Variants in CD8B2 observed in about 807,000 individuals in gnomAD.
CD8B2 encodes T-cell surface glycoprotein CD8 beta-2 chain.
Under a neutral mutation model 23.7 loss-of-function variants are expected in CD8B2, and 11 were observed. That is an observed-to-expected ratio of 0.46 (90% CI 0.29 to 0.77). The LOEUF is 0.77. Ranked by LOEUF, CD8B2 falls within the 30% of genes least tolerant of loss-of-function variation. The pLI, the probability that CD8B2 is intolerant of heterozygous loss-of-function variation, is 0.09. For synonymous variants in CD8B2, 90 were observed against 109.3 expected (o/e 0.82, Z 1.10); for missense variants, 197 against 270.5 (o/e 0.73, Z 1.91).
chr2:106,509,408 C>T lies in CD8B2; in HGVS notation c.*2468C>T, dbSNP rs1196396621. ...AAATAAGAGATTAAGGCCTGCAGTG[C>T]ACGTGGTCTGCCCTCCTTGAAGGCT... On this transcript the variant is annotated 3_prime_UTR_variant, in exon 6 of 6. Coordinates refer to ENST00000643224, the MANE Select transcript of CD8B2 (RefSeq NM_001349727.2). 3 of 152,424 alleles carry T rather than the reference C, an allele frequency of 2.0e-5. No homozygotes were observed. The highest frequency in any genetic ancestry group is 3.9e-4 in the East Asian group (2 of 5,180). 9.4% of individuals were successfully genotyped at this position (152,424 alleles called of 1,614,324 possible).
chr2:106,491,457 T>A (rs183272413), intron 2 of CD8B2, among the ~76,000 whole-genome samples: 42 of 152,312 alleles, frequency 2.8e-4, no homozygotes, highest in African/African-American at 7.9e-4. Context: ...GGAAGGTAGG[T>A]CTATTACCTA....
intron 5 of CD8B2, among the ~76,000 whole-genome samples, chr2:106,523,963 C>T (rs11689590): frequency 0.086 from 13,046 of 152,166 alleles, 865 homozygotes; most frequent in African/African-American, 0.19. Flanking sequence ...AGTGTTAAGC[C>T]TAGGAGAGTA....
At chr2:106,492,586 A>T (rs1424115838) in intron 2 of CD8B2, among the ~76,000 whole-genome samples, 11 of 152,220 alleles carry the variant, frequency 7.2e-5, no homozygotes, top group Admixed American at 7.2e-4. Flanking sequence ...TAACTCTCAC[A>T]GCCTGCCTCT....
Position 106,510,026 on chromosome 2 carries a change from T to A in CD8B2, c.*3086T>A, listed in dbSNP as rs1679593479. ...GCTGCTAAGGAATGAGCTAGATCCA[T>A]ATATGCTGATATCAAATGATGGTCA... On this transcript the variant is annotated 3_prime_UTR_variant, in exon 6 of 6. Coordinates refer to ENST00000643224, the MANE Select transcript of CD8B2 (RefSeq NM_001349727.2). The A allele has an allele frequency of 6.6e-6, 1 of 152,224 alleles. No homozygotes were observed. Among genetic ancestry groups the A allele is most frequent in the African/African-American group, 2.4e-5 (1 of 41,464 alleles). The allele number at this position is 152,224 out of a possible 1,614,324, so 9.4% of individuals were successfully genotyped here.
chr2:106,527,981 T>A (rs970728148), intron 5 of CD8B2, among the ~76,000 whole-genome samples: 4 of 152,296 alleles, frequency 2.6e-5, no homozygotes, highest in African/African-American at 9.6e-5. Flanking sequence ...GTCCAGCATA[T>A]CCTCATTCTT....
At chr2:106,512,658 T>A (rs368999211), downstream of CD8B2, among the ~76,000 whole-genome samples, 2 of 152,088 alleles carry the variant, frequency 1.3e-5, no homozygotes, top group East Asian at 3.9e-4. Flanking sequence ...TTGCCCAGGC[T>A]GGTCTCAAAC....
chr2:106,520,763 G>C (rs946250463), intron 5 of CD8B2, among the ~76,000 whole-genome samples: 2 of 152,060 alleles, frequency 1.3e-5, no homozygotes, highest in East Asian at 1.9e-4. Context: ...CCAGCTACTC[G>C]GGAGGCTGAG....
At chr2:106,492,343 A>G (rs1005751794) in intron 2 of CD8B2, among the ~76,000 whole-genome samples, 5 of 152,350 alleles carry the variant, frequency 3.3e-5, no homozygotes, top group African/African-American at 1.2e-4. Flanking sequence ...AGAAGCAAGT[A>G]AAATTAATTT....
chr2:106,500,395 T>C (rs992898882), intron 3 of CD8B2, among the ~76,000 whole-genome samples: 26 of 145,872 alleles, frequency 1.8e-4, no homozygotes, highest in African/African-American at 6.3e-4. Context: ...GACAGATGCC[T>C]GTAATCCCAG....
chr2:106,542,275 G>T (rs1680186120), intron 5 of CD8B2, among the ~76,000 whole-genome samples: 1 of 152,178 alleles, frequency 6.6e-6, no homozygotes, highest in African/African-American at 2.4e-5. Context: ...TCAGCTGTGG[G>T]CTCACTGCGG....
At position 106,496,196 on chromosome 2, in the gene CD8B2, C is replaced by A. The variant is rs984524112; in HGVS notation, c.427C>A (p.Gln143Lys). ...SVVDFLPTTA[Q>K]PTKKSTLKKR... is the part of the protein sequence containing the mutation. ...AGTTGATTTCCTTCCCACCACTGCC[C>A]AGCCCACCAAGAAGTCCACCCTCAA... is the stretch of plus-strand genomic sequence containing the variant. The change falls in exon 3 of 6, where the codon CAG becomes AAG. Residue 143 changes from glutamine to lysine, a missense_variant. Coordinates refer to ENST00000643224, the MANE Select transcript of CD8B2 (RefSeq NM_001349727.2). 1.3e-6 allele frequency: 2 copies of A among 1,545,118 alleles called. No individual in the cohort carries two copies. The highest frequency in any genetic ancestry group is 1.4e-5 in the African/African-American group (1 of 72,638).
At chr2:106,521,079 G>A (rs903953183) in intron 5 of CD8B2, among the ~76,000 whole-genome samples, 15 of 151,830 alleles carry the variant, frequency 9.9e-5, no homozygotes, top group Non-Finnish European at 1.8e-4. Context: ...AGACAGATGC[G>A]AGAATGGAAA....
At chr2:106,517,267 T>A (rs181801051) in intron 5 of CD8B2, among the ~76,000 whole-genome samples, 3 of 152,116 alleles carry the variant, frequency 2.0e-5, no homozygotes, top group East Asian at 3.9e-4. Flanking sequence ...TCATGCCGAC[T>A]CCCCCAGCCT....
intron 5 of CD8B2, among the ~76,000 whole-genome samples, chr2:106,529,445 G>A (rs1022733462): frequency 6.6e-6 from 1 of 152,158 alleles, no homozygotes; most frequent in African/African-American, 2.4e-5. Context: ...AGTACCATAT[G>A]CCCAGAAATG....
At chr2:106,514,670 G>A (rs1421963017), downstream of CD8B2, among the ~76,000 whole-genome samples, 3 of 151,192 alleles carry the variant, frequency 2.0e-5, no homozygotes, top group African/African-American at 4.9e-5. Flanking sequence ...TTTGAGCCTG[G>A]TCAGACGCTC....
chr2:106,487,851 G>C (rs190847961), intron 1 of CD8B2, among the ~76,000 whole-genome samples: 1 of 152,108 alleles, frequency 6.6e-6, no homozygotes, highest in Non-Finnish European at 1.5e-5. Flanking sequence ...TGGCCAGGCC[G>C]TGGGTCCTGT....
rs986145739 is a variant in CD8B2, at chr2:106,542,519, CT to C, written c.621-1464del. 1.1e-4 allele frequency among the ~76,000 whole-genome samples: 17 copies of C among 150,456 alleles called. No individual in the cohort carries two copies. The East Asian group carries it at 1.6e-3, about 14-fold the overall frequency. On this transcript the variant is annotated intron_variant, in intron 5 of 5. Coordinates refer to the CD8B2 transcript ENST00000416057. ...ATTTTCTTCCACTTTCAAGTTAATT[CT>C]TTTTTTTTCCTGATTATTTAACAAA...
chr2:106,490,094 C>T (rs1398387690), intron 1 of CD8B2, among the ~76,000 whole-genome samples: 1 of 152,028 alleles, frequency 6.6e-6, no homozygotes, highest in East Asian at 1.9e-4. Context: ...GTAATTGTAC[C>T]TACCAGGGTC....
At chr2:106,541,022 CAGG>C (rs1465586740) in intron 5 of CD8B2, among the ~76,000 whole-genome samples, 1 of 152,098 alleles carries the variant, frequency 6.6e-6, no homozygotes, top group African/African-American at 2.4e-5. Context: ...AGGAGCCCAG[CAGG>C]AGGAGAGGGA....
Sources: gnomAD v4.1 joint callset for allele counts (sites outside exome capture counted in the v4.1 genomes callset) on GRCh38, gnomAD v4.1.1 for gene constraint, MANE v1.5 for transcripts, NCBI Gene and HGNC (gene_info 2026-07-23, HGNC 2026-07-21) for gene names.